CRB1: variants seen among roughly 807,000 people sequenced by gnomAD.
CRB1 encodes the protein protein crumbs homolog 1.
A neutral mutation model predicts 120.0 loss-of-function variants in CRB1; 83 were observed. The ratio of observed to expected loss-of-function variants is 0.69; its 90% CI spans 0.58 to 0.83. CRB1 has a LOEUF of 0.83. Ranked by LOEUF, CRB1 falls within the 40% of genes least tolerant of loss-of-function variation. CRB1 has a pLI of 0.00. For synonymous variants in CRB1, 625 were observed against 612.5 expected (o/e 1.02, Z -0.30); for missense variants, 1,699 against 1,687.6 (o/e 1.01, Z -0.12).
At chr1:197,363,808 C>T in intron 5 of CRB1, 1 of 766,430 alleles carries the variant, frequency 1.3e-6, no homozygotes, top group South Asian at 1.4e-5. Context: ...GAGATTTAAA[C>T]CCAAGTTCAT....
the CRB1 span, among the ~76,000 whole-genome samples, chr1:197,217,135 C>T: frequency 6.6e-6 from 1 of 151,972 alleles, no homozygotes; most frequent in African/African-American, 2.4e-5. Context: ...AAAAGATGCT[C>T]AATATTGTTA....
chr1:197,289,279 T>C (rs1656023710), intron 1 of CRB1, among the ~76,000 whole-genome samples: 1 of 151,880 alleles, frequency 6.6e-6, no homozygotes, highest in Admixed American at 6.6e-5. Flanking sequence ...ATAATTATCT[T>C]CTCTAATTCT....
intron 6 of CRB1, among the ~76,000 whole-genome samples, chr1:197,423,648 T>C (rs981393260): frequency 2.0e-5 from 3 of 152,210 alleles, no homozygotes; most frequent in Non-Finnish European, 4.4e-5. Flanking sequence ...TTTCTGCTAC[T>C]GTACATATAC....
chr1:197,323,272 A>G (rs1385408593), intron 1 of CRB1, among the ~76,000 whole-genome samples: 2 of 152,178 alleles, frequency 1.3e-5, no homozygotes, highest in Non-Finnish European at 2.9e-5. Flanking sequence ...AGAGATATTA[A>G]AACTTTTGGA....
At chr1:197,202,143 C>CT in the CRB1 span, among the ~76,000 whole-genome samples, 1 of 152,070 alleles carries the variant, frequency 6.6e-6, no homozygotes, top group Non-Finnish European at 1.5e-5. Flanking sequence ...TTTTCTTCCC[C>CT]CACCCTCTCG....
At chr1:197,426,082 T>C (rs540721454) in intron 6 of CRB1, among the ~76,000 whole-genome samples, 2 of 151,914 alleles carry the variant, frequency 1.3e-5, no homozygotes, top group East Asian at 3.9e-4. Flanking sequence ...CACCCAAAAA[T>C]CTTTTCCTCC....
At chr1:197,427,033 C>T (rs541340846) in intron 6 of CRB1, among the ~76,000 whole-genome samples, 5 of 152,298 alleles carry the variant, frequency 3.3e-5, no homozygotes, top group Non-Finnish European at 7.3e-5. Context: ...CTGCACAGTC[C>T]ACTTGCAGAG....
chr1:197,366,147 A>G (rs1466783108), intron 5 of CRB1, among the ~76,000 whole-genome samples: 1 of 152,088 alleles, frequency 6.6e-6, no homozygotes, highest in African/African-American at 2.4e-5. Flanking sequence ...TTTATCAATG[A>G]CTATATTTAT....
chr1:197,345,598 T>A (rs1008367354), intron 3 of CRB1, among the ~76,000 whole-genome samples: 3 of 144,976 alleles, frequency 2.1e-5, no homozygotes, highest in African/African-American at 7.7e-5. Context: ...AACCTCCGCC[T>A]TCCGGTTCAA....
At chr1:197,408,176 G>C (rs1035655951) in intron 5 of CRB1, among the ~76,000 whole-genome samples, 1 of 152,156 alleles carries the variant, frequency 6.6e-6, no homozygotes, top group African/African-American at 2.4e-5. Flanking sequence ...GATAAGCTCA[G>C]ATGTTCAAGG....
In CRB1 at chr1:197,438,633, C is replaced by T. The variant is rs901451598; in HGVS notation, c.3836C>T (p.Thr1279Ile). 6.2e-7 allele frequency: 1 copy of T among 1,612,840 alleles called. No individual in the cohort carries two copies. Among genetic ancestry groups the T allele is most frequent in the African/African-American group, 1.3e-5 (1 of 74,980 alleles). ...YNGGNCTEFQ[T>I]ELKCMCRPGF... ...GGAGGCAACTGCACAGAGTTCCAGA[C>T]TGAATTAAAATGTATGTGCCGGCCA... Residue 1279 changes from threonine (T) to isoleucine (I), a missense_variant, in exon 10 of 12, where the codon ACT (threonine) becomes ATT (isoleucine). Thr to Ile is a moderately conservative substitution (Grantham distance 89). Transcript: ENST00000367400.
intron 3 of CRB1, 83 bp downstream of exon 3, chr1:197,344,559 T>C: frequency 7.5e-7 from 1 of 1,339,586 alleles, no homozygotes; most frequent in South Asian, 1.2e-5. Flanking sequence ...TTTAGAGCTC[T>C]CACGTTCTCG....
At chr1:197,393,036 A>T (rs1043507082) in intron 5 of CRB1, among the ~76,000 whole-genome samples, 4 of 152,144 alleles carry the variant, frequency 2.6e-5, no homozygotes, top group Admixed American at 2.6e-4. Flanking sequence ...AACAAAATAT[A>T]TACTACATAA....
At chr1:197,217,062 A>G in the CRB1 span, among the ~76,000 whole-genome samples, 1 of 152,158 alleles carries the variant, frequency 6.6e-6, no homozygotes, top group Non-Finnish European at 1.5e-5. Context: ...CCCAATTTTT[A>G]AAGTGTACAT....
In CRB1 at chr1:197,421,530, C is replaced by T; in HGVS notation, c.1702C>T (p.His568Tyr). 1 of 1,614,220 alleles carries T rather than the reference C, an allele frequency of 6.2e-7. No individual in the cohort carries two copies. The highest frequency in any genetic ancestry group is 1.1e-5 in the South Asian group (1 of 91,078). Residue 568 changes from histidine to tyrosine, a missense_variant, in exon 6 of 12, where the codon CAT (histidine) becomes TAT (tyrosine). His to Tyr is a moderately conservative substitution (Grantham distance 83). Coordinates refer to ENST00000367400, the MANE Select transcript of CRB1 (RefSeq NM_201253.3). ...ISHNTSDGEW[H>Y]FVEVIFAEAV... is the part of the protein sequence containing the mutation. ...CCACAACACCAGCGATGGAGAGTGG[C>T]ATTTCGTGGAGGTAATATTTGCAGA... is the stretch of plus-strand genomic sequence containing the variant.
upstream of CRB1, among the ~76,000 whole-genome samples, chr1:197,266,692 A>G (rs957720095): frequency 6.6e-6 from 1 of 152,172 alleles, no homozygotes; most frequent in Non-Finnish European, 1.5e-5. Flanking sequence ...TCCTTTGTAT[A>G]ACATGTTCTC....
chr1:197,474,059 C>A (rs1009662304), intron 11 of CRB1, among the ~76,000 whole-genome samples: 4 of 152,136 alleles, frequency 2.6e-5, no homozygotes, highest in African/African-American at 9.7e-5. Context: ...GGTCATACTG[C>A]AACGTCCTGA....
chr1:197,236,469 G>A, the CRB1 span, among the ~76,000 whole-genome samples: 1 of 152,134 alleles, frequency 6.6e-6, no homozygotes, highest in East Asian at 1.9e-4. Context: ...AAAGTGCTGG[G>A]ATTATGGATG....
chr1:197,440,918 C>T (rs1240649101), intron 10 of CRB1: 1 of 152,186 alleles, frequency 6.6e-6, no homozygotes, highest in Non-Finnish European at 1.5e-5. Flanking sequence ...AAGTCTCCCT[C>T]CAGTCCAGAA....
Sources: allele counts gnomAD v4.1 joint callset (sites outside exome capture counted in the v4.1 genomes callset), GRCh38; gene constraint gnomAD v4.1.1; transcripts MANE v1.5; gene names NCBI Gene and HGNC (gene_info 2026-07-23, HGNC 2026-07-21).